Variants in CBLB observed in about 807,000 individuals in gnomAD.
CBLB encodes the protein E3 ubiquitin-protein ligase CBL-B.
A neutral mutation model predicts 104.9 loss-of-function variants in CBLB; 31 were observed. The ratio of observed to expected loss-of-function variants is 0.30; its 90% CI spans 0.22 to 0.40. The LOEUF (loss-of-function observed/expected upper bound fraction) is 0.40, where lower values mean the gene tolerates loss of function less well. Among genes scored for constraint, CBLB ranks in the 10% least tolerant of loss-of-function variants. CBLB has a pLI of 1.00. For missense variants in CBLB, 1,062 were observed against 1,214.6 expected (o/e 0.87, Z 1.87); for synonymous variants, 440 against 422.6 (o/e 1.04, Z -0.51).
chr3:105,739,793 A>G (rs2075334392), intron 7 of CBLB, among the ~76,000 whole-genome samples: 1 of 152,120 alleles, frequency 6.6e-6, no homozygotes, highest in South Asian at 2.1e-4. Context: ...AAAATCTGGC[A>G]CTAACAATCA....
At chr3:105,717,952 A>C (rs543224123) in intron 10 of CBLB, among the ~76,000 whole-genome samples, 54 of 152,276 alleles carry the variant, frequency 3.5e-4, no homozygotes, top group Admixed American at 1.3e-3. Flanking sequence ...CCCAACAGAG[A>C]AGCTACTATT....
intron 2 of CBLB, among the ~76,000 whole-genome samples, chr3:105,858,136 T>C (rs1218581081): frequency 1.3e-5 from 2 of 152,192 alleles, no homozygotes; most frequent in African/African-American, 4.8e-5. Flanking sequence ...CAAGGCCCTG[T>C]AGGCTAAACT....
chr3:105,660,191 T>C (rs1455950992), intron 18 of CBLB, among the ~76,000 whole-genome samples: 2 of 152,256 alleles, frequency 1.3e-5, no homozygotes, highest in East Asian at 3.9e-4. Flanking sequence ...ACACACACTA[T>C]ACGTATACAT....
chr3:105,816,858 T>C (rs2085129934), intron 3 of CBLB, among the ~76,000 whole-genome samples: 1 of 152,056 alleles, frequency 6.6e-6, no homozygotes, highest in African/African-American at 2.4e-5. Flanking sequence ...TTTTAATCTT[T>C]AGTGACAACT....
At chr3:105,779,739 T>A (rs1373360304) in intron 3 of CBLB, among the ~76,000 whole-genome samples, 5 of 152,210 alleles carry the variant, frequency 3.3e-5, no homozygotes, top group Non-Finnish European at 7.3e-5. Context: ...CATTTAAATT[T>A]GTTATCATAG....
At chr3:105,755,719 T>C (rs1337839339) in intron 4 of CBLB, among the ~76,000 whole-genome samples, 1 of 152,160 alleles carries the variant, frequency 6.6e-6, no homozygotes, top group African/African-American at 2.4e-5. Flanking sequence ...TGGAAACAAA[T>C]TTCAAAAGCC....
intron 3 of CBLB, among the ~76,000 whole-genome samples, chr3:105,821,688 T>C (rs998995151): frequency 1.3e-5 from 2 of 152,188 alleles, no homozygotes; most frequent in Non-Finnish European, 2.9e-5. Flanking sequence ...TTTCTCAAGA[T>C]TGCCCGGGAT....
intron 10 of CBLB, among the ~76,000 whole-genome samples, chr3:105,713,801 G>C (rs2071448428): frequency 6.6e-6 from 1 of 152,122 alleles, no homozygotes; most frequent in African/African-American, 2.4e-5. Flanking sequence ...TAAATGTTGT[G>C]GGAAGGCAGT....
At chr3:105,786,060 T>TTGGGG (rs1560233373) in intron 3 of CBLB, among the ~76,000 whole-genome samples, 1 of 3,146 alleles carries the variant, frequency 3.2e-4, no homozygotes, top group Non-Finnish European at 8.7e-4. Flanking sequence ...TGTGAGAGGA[T>TTGGGG]CGGGGGGGGG....
intron 3 of CBLB, among the ~76,000 whole-genome samples, chr3:105,836,996 GA>G (rs2088628019): frequency 6.7e-6 from 1 of 148,770 alleles, no homozygotes; most frequent in Non-Finnish European, 1.5e-5. Flanking sequence ...TTTATAGCAA[GA>G]ATATTAGATC....
In CBLB at chr3:105,688,742, G is replaced by A. The variant is rs956036295; in HGVS notation, c.2055-3276C>T. Among the ~76,000 whole-genome samples, 3 of 151,904 alleles carry A rather than the reference G, an allele frequency of 2.0e-5. No individual in the cohort carries two copies. In the South Asian group the frequency reaches 6.2e-4, roughly 31 times the overall value. Reference sequence around the variant, plus strand: ...TATTTGAAATGATTTTTGCACATGTGCCACATATAAATCATTTCCTCAAAA... The same window carrying A: ...TATTTGAAATGATTTTTGCACATGTACCACATATAAATCATTTCCTCAAAA... On this transcript the variant is annotated intron_variant, in intron 13 of 18. Coordinates refer to ENST00000394030, the MANE Select transcript of CBLB (RefSeq NM_170662.5).
intron 5 of CBLB, among the ~76,000 whole-genome samples, chr3:105,747,228 C>T (rs2076191544): frequency 6.6e-6 from 1 of 152,066 alleles, no homozygotes. Context: ...CATACTCTAT[C>T]TGATGTGCCA....
intron 8 of CBLB, among the ~76,000 whole-genome samples, chr3:105,736,824 T>G (rs1052798692): frequency 6.6e-6 from 1 of 152,124 alleles, no homozygotes; most frequent in South Asian, 2.1e-4. Context: ...CAGGCTTCAA[T>G]TACCCATTTG....
intron 18 of CBLB, among the ~76,000 whole-genome samples, chr3:105,666,421 C>T (rs1222754165): frequency 6.6e-6 from 1 of 152,158 alleles, no homozygotes; most frequent in Non-Finnish European, 1.5e-5. Context: ...CGCGCAGTGG[C>T]TCAAGCCTGT....
chr3:105,706,442 C>T (rs1166384441), intron 10 of CBLB, among the ~76,000 whole-genome samples: 5 of 152,238 alleles, frequency 3.3e-5, no homozygotes, highest in African/African-American at 4.8e-5. Flanking sequence ...GACTTGAGTA[C>T]AGCCAGTGAT....
At chr3:105,865,418 C>T (rs2092370518) in intron 2 of CBLB, among the ~76,000 whole-genome samples, 1 of 152,112 alleles carries the variant, frequency 6.6e-6, no homozygotes, top group South Asian at 2.1e-4. Context: ...TGTACATTTG[C>T]CAACACCCGC....
At chr3:105,828,240 A>G (rs955721083) in intron 3 of CBLB, among the ~76,000 whole-genome samples, 9 of 152,156 alleles carry the variant, frequency 5.9e-5, no homozygotes, top group African/African-American at 1.9e-4. Context: ...CTCACATCCA[A>G]TTCATCAAAA....
At chr3:105,742,096 CTTTA>C (rs1465204577) in intron 6 of CBLB, among the ~76,000 whole-genome samples, 1 of 152,166 alleles carries the variant, frequency 6.6e-6, no homozygotes, top group Non-Finnish European at 1.5e-5. Flanking sequence ...GATCATTTCT[CTTTA>C]TTTGAGTGTA....
At chr3:105,865,906 C>T (rs2092400461) in intron 2 of CBLB, among the ~76,000 whole-genome samples, 1 of 152,142 alleles carries the variant, frequency 6.6e-6, no homozygotes, top group Non-Finnish European at 1.5e-5. Flanking sequence ...GTGAGAGTGA[C>T]CTTCAAATGC....
Sources: gnomAD v4.1 joint callset for allele counts (sites outside exome capture counted in the v4.1 genomes callset) on GRCh38, gnomAD v4.1.1 for gene constraint, MANE v1.5 for transcripts, NCBI Gene and HGNC (gene_info 2026-07-23, HGNC 2026-07-21) for gene names.